Variants in MSI2 observed in about 807,000 individuals in gnomAD.
The protein encoded by MSI2 is RNA-binding protein Musashi homolog 2.
MSI2 carries 17 observed loss-of-function variants against 45.6 expected under a neutral mutation model. The observed-to-expected ratio is 0.37, with a 90% CI of 0.26 to 0.56. The LOEUF is 0.56. Ranked by LOEUF, MSI2 falls within the 20% of genes least tolerant of loss-of-function variation. The probability of loss-of-function intolerance (pLI) is 0.77; values close to 1 mark genes in which losing one functional copy is unlikely to be tolerated. For synonymous variants in MSI2, 156 were observed against 158.2 expected, an observed-to-expected ratio of 0.99 and a Z score of 0.11; for missense variants, 293 against 444.2, an observed-to-expected ratio of 0.66 and a Z score of 3.06.
At chr17:57,375,245 A>T (rs373648417) in intron 5 of MSI2, among the ~76,000 whole-genome samples, 25 of 152,292 alleles carry the variant, frequency 1.6e-4, no homozygotes, top group African/African-American at 5.5e-4. Context: ...TGATCAGCAA[A>T]TTTAAGCCTC....
At chr17:57,539,001 C>G (rs1043424982) in intron 7 of MSI2, among the ~76,000 whole-genome samples, 2 of 152,156 alleles carry the variant, frequency 1.3e-5, no homozygotes, top group African/African-American at 4.8e-5. Flanking sequence ...GGAACAGTCT[C>G]TGCCCATACT....
rs201389280 is a variant in MSI2, at chr17:57,616,030, G to A, written c.598G>A (p.Ala200Thr). ...VMFPPGTRGR[A>T]RGLPYTMDAF... ...GTTCCCACCTGGGACAAGAGGCCGG[G>A]CCCGGGGACTGCCTTACACCATGGA... is the stretch of plus-strand genomic sequence containing the variant. The change falls in exon 9 of 14, where the codon GCC (alanine) becomes ACC (threonine). Residue 200 changes from alanine to threonine, a missense_variant. Physicochemically the swap from Ala to Thr is moderately conservative, Grantham distance 58. Coordinates refer to ENST00000284073, the MANE Select transcript of MSI2 (RefSeq NM_138962.4). 2.5e-6 allele frequency: 4 copies of A among 1,614,194 alleles called. No homozygotes were observed. The African/African-American group carries it at 5.3e-5, about 22-fold the overall frequency.
At chr17:57,668,465 A>T (rs1320141448) in intron 11 of MSI2, among the ~76,000 whole-genome samples, 1 of 152,206 alleles carries the variant, frequency 6.6e-6, no homozygotes, top group Non-Finnish European at 1.5e-5. Context: ...ATTAACCAGT[A>T]GACATTATCA....
At chr17:57,477,367 G>A (rs941254760) in intron 6 of MSI2, among the ~76,000 whole-genome samples, 2 of 152,140 alleles carry the variant, frequency 1.3e-5, no homozygotes, top group African/African-American at 4.8e-5. Flanking sequence ...CTGCCAATGA[G>A]CCTGGCTGCT....
intron 6 of MSI2, among the ~76,000 whole-genome samples, chr17:57,478,368 AG>A (rs1248889833): frequency 6.6e-6 from 1 of 152,224 alleles, no homozygotes; most frequent in Non-Finnish European, 1.5e-5. Flanking sequence ...CCAGCACAAA[AG>A]CACTAGAGAA....
chr17:57,387,451 C>T (rs1174430068), intron 5 of MSI2, among the ~76,000 whole-genome samples: 1 of 152,150 alleles, frequency 6.6e-6, no homozygotes, highest in African/African-American at 2.4e-5. Context: ...AGAAATATTA[C>T]CTCCGAGGCA....
chr17:57,501,552 C>T (rs1385845839), intron 6 of MSI2, among the ~76,000 whole-genome samples: 2 of 152,192 alleles, frequency 1.3e-5, no homozygotes, highest in African/African-American at 4.8e-5. Flanking sequence ...TGTGGTTCTG[C>T]GCACAGAATA....
chr17:57,375,586 GGGA>G (rs1035210395), intron 5 of MSI2, among the ~76,000 whole-genome samples: 1 of 152,120 alleles, frequency 6.6e-6, no homozygotes, highest in Non-Finnish European at 1.5e-5. Flanking sequence ...GAATAGTTGA[GGGA>G]GGAGGAGGAG....
intron 7 of MSI2, among the ~76,000 whole-genome samples, chr17:57,549,080 G>A (rs1045769765): frequency 6.6e-6 from 1 of 152,156 alleles, no homozygotes; most frequent in Admixed American, 6.5e-5. Context: ...TCACTATGTT[G>A]CCCAGGCTGG....
chr17:57,525,855 C>T (rs2086685901), intron 6 of MSI2, among the ~76,000 whole-genome samples: 2 of 152,194 alleles, frequency 1.3e-5, no homozygotes, highest in African/African-American at 4.8e-5. Flanking sequence ...GCGTTGTCAA[C>T]ATGAAGTAAG....
chr17:57,671,318 C>T (rs1018042070), intron 11 of MSI2, among the ~76,000 whole-genome samples: 5 of 152,170 alleles, frequency 3.3e-5, no homozygotes, highest in African/African-American at 1.2e-4. Flanking sequence ...ATTTATAAAC[C>T]TCAGCACTGT....
chr17:57,310,295 C>T (rs753474180), intron 5 of MSI2, among the ~76,000 whole-genome samples: 1 of 151,782 alleles, frequency 6.6e-6, no homozygotes, highest in African/African-American at 2.4e-5. Flanking sequence ...GGCCTGAGAG[C>T]AGAGCTCAGT....
At chr17:57,604,073 C>T (rs1330613811) in intron 8 of MSI2, among the ~76,000 whole-genome samples, 2 of 152,192 alleles carry the variant, frequency 1.3e-5, no homozygotes, top group Non-Finnish European at 2.9e-5. Context: ...TCAACCAGGG[C>T]GGCCTTCCTG....
intron 6 of MSI2, among the ~76,000 whole-genome samples, chr17:57,450,818 C>T (rs374384120): frequency 2.0e-5 from 3 of 151,672 alleles, no homozygotes; most frequent in East Asian, 3.9e-4. Context: ...TTTATACACT[C>T]TTCTGTATAC....
At chr17:57,688,371 C>A (rs1291984914), downstream of MSI2, among the ~76,000 whole-genome samples, 1 of 152,132 alleles carries the variant, frequency 6.6e-6, no homozygotes, top group Admixed American at 6.5e-5. Context: ...CTCCTCCTCT[C>A]CAGTAGTAAG....
intron 11 of MSI2, among the ~76,000 whole-genome samples, chr17:57,653,565 T>C (rs556427434): frequency 1.3e-5 from 2 of 152,270 alleles, no homozygotes; most frequent in South Asian, 2.1e-4. Context: ...TGAGTGCTTT[T>C]TGGTATCATT....
At chr17:57,649,465 AC>A (rs1315900439) in intron 10 of MSI2, among the ~76,000 whole-genome samples, 2 of 152,052 alleles carry the variant, frequency 1.3e-5, no homozygotes, top group African/African-American at 4.8e-5. Context: ...CTCAACACAC[AC>A]ATCCACATAC....
intron 5 of MSI2, among the ~76,000 whole-genome samples, chr17:57,269,689 G>A (rs950477338): frequency 6.6e-6 from 1 of 152,140 alleles, no homozygotes; most frequent in African/African-American, 2.4e-5. Context: ...TGTTTAAGCC[G>A]TGATCGTGAC....
intron 7 of MSI2, among the ~76,000 whole-genome samples, chr17:57,572,863 TTA>T (rs1261813004): frequency 6.6e-6 from 1 of 152,218 alleles, no homozygotes; most frequent in East Asian, 1.9e-4. Flanking sequence ...AACTCTATTT[TTA>T]ACTAAACCGA....
Sources: gnomAD v4.1 joint callset for allele counts (sites outside exome capture counted in the v4.1 genomes callset) on GRCh38, gnomAD v4.1.1 for gene constraint, MANE v1.5 for transcripts, NCBI Gene and HGNC (gene_info 2026-07-23, HGNC 2026-07-21) for gene names.